The following HHIPL2 variants were observed in gnomAD, a reference collection of about 807,000 sequenced individuals.
The protein encoded by HHIPL2 is HHIP like 2.
HHIPL2 carries 61 observed loss-of-function variants against 61.0 expected under a neutral mutation model. The observed-to-expected ratio is 1.00, with a 90% confidence interval of 0.81 to 1.24. The LOEUF (loss-of-function observed/expected upper bound fraction) is 1.24. Ranked by LOEUF, HHIPL2 falls within the 50% of genes most tolerant of loss-of-function variation. The pLI, the probability that HHIPL2 is intolerant of heterozygous loss-of-function variation, is 0.00. For synonymous variants in HHIPL2, 343 were observed against 357.4 expected, an observed-to-expected ratio of 0.96 and a Z score of 0.45; for missense variants, 885 against 910.2, an observed-to-expected ratio of 0.97 and a Z score of 0.36.
At chr1:222,547,615 C>T (rs1222419253) in intron 1 of HHIPL2, 109 bp downstream of exon 1, 7 of 929,994 alleles carry the variant, frequency 7.5e-6, no homozygotes, top group South Asian at 3.2e-5. Context: ...ATGAGGCACC[C>T]GGCACATGAA....
intron 6 of HHIPL2, among the ~76,000 whole-genome samples, chr1:222,530,953 C>T (rs899217421): frequency 1.3e-5 from 2 of 151,898 alleles, no homozygotes; most frequent in African/African-American, 4.8e-5. Context: ...ATTCGAAAAC[C>T]TTATCTTTCA....
intron 6 of HHIPL2, among the ~76,000 whole-genome samples, chr1:222,528,396 A>C (rs35170234): frequency 0.44 from 67,399 of 151,734 alleles, 16,162 homozygotes; most frequent in African/African-American, 0.65. Flanking sequence ...CACCTGAGGT[A>C]AGGAGTTCAA....
intron 7 of HHIPL2, among the ~76,000 whole-genome samples, chr1:222,525,641 G>A (rs1659047200): frequency 1.3e-5 from 2 of 152,212 alleles, no homozygotes; most frequent in South Asian, 4.1e-4. Flanking sequence ...TCTTCTGCAT[G>A]TCTATCTGTA....
At chr1:222,525,204 C>A (rs758534185) in intron 7 of HHIPL2, 2 of 152,182 alleles carry the variant, frequency 1.3e-5, no homozygotes, top group African/African-American at 4.8e-5. Context: ...AATTACCTGC[C>A]AACTGAATCA....
Position 222,543,555 on chromosome 1 carries a change from G to A in HHIPL2, c.956C>T (p.Ala319Val), listed in dbSNP as rs746476513. ...CTCTCACCTCTCTGATTTCAGGTCA[G>A]CTTTGTTAGGATCAGCCCGAGAAAC... The part of the protein sequence containing the change: ...MKVSRADPNK[A>V]DLKSERVILE... Residue 319 changes from alanine to valine, a missense_variant, in exon 2 of 9, where the codon GCT becomes GTT. Physicochemically the swap from Ala to Val is moderately conservative, Grantham distance 64. Transcript: ENST00000343410. The A allele has an allele frequency of 6.2e-7, 1 of 1,612,936 alleles. No individual in the cohort carries two copies. Among genetic ancestry groups the A allele is most frequent in the Admixed American group, 1.7e-5 (1 of 59,972 alleles).
rs764254003 is a variant in HHIPL2, at chr1:222,522,745, A to G, written c.2031T>C (p.Asn677=). The G allele has an allele frequency of 6.2e-7, 1 of 1,613,930 alleles. No homozygotes were observed. The highest frequency in any genetic ancestry group is 8.5e-7 in the Non-Finnish European group (1 of 1,180,044). Residue 677 remains asparagine, a synonymous_variant, in exon 9 of 9, where the codon AAT becomes AAC. Transcript: ENST00000343410. Reference sequence around the variant, plus strand: ...TCTTTGTACCAGGCCCTCGCAATGTATTCTTGCTGCTTGTAGGAGAAGCCA... The same window carrying G: ...TCTTTGTACCAGGCCCTCGCAATGTGTTCTTGCTGCTTGTAGGAGAAGCCA... ...KKLASPTSSK[N]TLRGPGTKKK...
At chr1:222,527,548 C>A (rs1659095440) in intron 6 of HHIPL2, among the ~76,000 whole-genome samples, 1 of 152,030 alleles carries the variant, frequency 6.6e-6, no homozygotes, top group East Asian at 1.9e-4. Flanking sequence ...CCTGGTGACC[C>A]TCCCCACTCT....
intron 6 of HHIPL2, among the ~76,000 whole-genome samples, chr1:222,531,353 T>C (rs773412294): frequency 7.2e-5 from 11 of 152,178 alleles, no homozygotes; most frequent in Non-Finnish European, 1.6e-4. Context: ...AAACTGTGGT[T>C]CAGAATAGAT....
chr1:222,527,136 G>A, intron 6 of HHIPL2, 86 bp from the exon 7 acceptor site: 1 of 1,045,176 alleles, frequency 9.6e-7, no homozygotes, highest in Admixed American at 2.2e-5. Context: ...TGGTCAAAAA[G>A]AGGTTATGGC....
chr1:222,542,518 C>T (rs1043448476), intron 2 of HHIPL2, among the ~76,000 whole-genome samples: 5 of 141,450 alleles, frequency 3.5e-5, no homozygotes, highest in African/African-American at 1.0e-4. Context: ...TACCACCCCA[C>T]CACATCTGGC....
rs753520116 is a variant in HHIPL2 at position 222,531,954 on chromosome 1, T to C, written c.1723+12A>G. On this transcript the variant is annotated intron_variant, in intron 6 of 8. Coordinates refer to ENST00000343410, the MANE Select transcript of HHIPL2 (RefSeq NM_024746.4). The stretch of plus-strand genomic sequence containing the variant: ...AGTAAGCAGAAATCAAACAACTCTG[T>C]ACATTTGTTACCTGCTTCATCTTCA... 3.8e-6 allele frequency: 6 copies of C among 1,596,450 alleles called. No homozygotes were observed. Among genetic ancestry groups the C allele is most frequent in the Non-Finnish European group, 5.1e-6 (6 of 1,168,496 alleles).
chr1:222,536,994 G>A (rs557986562), intron 5 of HHIPL2, among the ~76,000 whole-genome samples: 28 of 152,250 alleles, frequency 1.8e-4, no homozygotes, highest in Admixed American at 1.3e-3. Flanking sequence ...AGCTATGATC[G>A]TGCCATTGCA....
At position 222,536,315 on chromosome 1, in the gene HHIPL2, A is replaced by G. The variant is rs1361979534; in HGVS notation, c.1577+2333T>C. Among the ~76,000 whole-genome samples, 7 of 152,180 alleles carry G rather than the reference A, an allele frequency of 4.6e-5. No individual in the cohort carries two copies. In the East Asian group the frequency reaches 1.3e-3, roughly 29 times the overall value. On this transcript the variant is annotated intron_variant, in intron 5 of 8. Coordinates refer to ENST00000343410, the MANE Select transcript of HHIPL2 (RefSeq NM_024746.4). The stretch of plus-strand genomic sequence containing the variant: ...TATCTAGAATAAGACAAGTGACATC[A>G]CCATAGTTTCTATAGATATTAAAAG...
chr1:222,543,242 T>G (rs1659473518), intron 2 of HHIPL2, among the ~76,000 whole-genome samples: 1 of 152,242 alleles, frequency 6.6e-6, no homozygotes, highest in Non-Finnish European at 1.5e-5. Flanking sequence ...TTTCATATGT[T>G]GATATTATCT....
chr1:222,542,247 C>T, intron 2 of HHIPL2, 92 bp from the exon 3 acceptor site: 1 of 1,457,360 alleles, frequency 6.9e-7, no homozygotes, highest in Non-Finnish European at 9.2e-7. Context: ...GGCCAAGCCA[C>T]CGAGATTTGC....
Position 222,542,158 on chromosome 1 carries a change from G to A in HHIPL2, c.975-3C>T, listed in dbSNP as rs1396752805. ...GTTCTTCAATCTCCAAGATGACCCT[G>A]GAAGAGAAAAAAGAAACCACACGTT... On this transcript the variant is annotated splice_polypyrimidine_tract_variant and splice_region_variant and intron_variant, in intron 2 of 8. Transcript: ENST00000343410. 8 of 1,611,308 alleles carry A rather than the reference G, an allele frequency of 5.0e-6. No homozygotes were observed. The highest frequency in any genetic ancestry group is 6.8e-6 in the Non-Finnish European group (8 of 1,179,442).
chr1:222,547,537 G>T (rs1013652510), intron 1 of HHIPL2, among the ~76,000 whole-genome samples, 187 bp downstream of exon 1: 1 of 152,088 alleles, frequency 6.6e-6, no homozygotes, highest in Non-Finnish European at 1.5e-5. Context: ...GAGCTTTGGG[G>T]AACCCATGGA....
At chr1:222,533,362 C>T in intron 5 of HHIPL2, among the ~76,000 whole-genome samples, 1 of 109,824 alleles carries the variant, frequency 9.1e-6, no homozygotes, top group East Asian at 3.8e-4. Context: ...GAGACTCTGT[C>T]TCAAAAAAAA....
chr1:222,526,998 T>A lies in HHIPL2; in HGVS notation c.1776A>T (p.Gly592=), dbSNP rs1227760354. 2 of 1,613,600 alleles carry A rather than the reference T, an allele frequency of 1.2e-6. No individual in the cohort carries two copies. Among genetic ancestry groups the A allele is most frequent in the Non-Finnish European group, 1.7e-6 (2 of 1,179,830 alleles). ...AGGGGTCAACAAACTTGTAAATAGA[T>A]CCACGTGGTGCATAGGCACTTGGGT... The part of the protein sequence containing the change: ...TSYPSAYAPR[G]SIYKFVDPSR... The change falls in exon 7 of 9, where the codon GGA becomes GGT. Residue 592 remains glycine (G), a synonymous_variant. Transcript: ENST00000343410.
Sources: gnomAD v4.1 joint callset for allele counts (sites outside exome capture counted in the v4.1 genomes callset) on GRCh38, gnomAD v4.1.1 for gene constraint, MANE v1.5 for transcripts, NCBI Gene and HGNC (gene_info 2026-07-23, HGNC 2026-07-21) for gene names.